The following KCTD3 variants were observed in gnomAD, a reference collection of about 807,000 sequenced individuals.
The protein encoded by KCTD3 is potassium channel tetramerization domain containing 3.
KCTD3 carries 41 observed loss-of-function variants against 85.8 expected under a neutral mutation model. The ratio of observed to expected loss-of-function variants is 0.48; its 90% confidence interval spans 0.37 to 0.62. The LOEUF (loss-of-function observed/expected upper bound fraction) is 0.62. Ranked by LOEUF, KCTD3 falls within the 20% of genes least tolerant of loss-of-function variation. The pLI, the probability that KCTD3 is intolerant of heterozygous loss-of-function variation, is 0.00. For synonymous variants in KCTD3, 338 were observed against 345.4 expected (o/e 0.98, Z 0.24); for missense variants, 724 against 989.9 (o/e 0.73, Z 3.60).
At chr1:215,581,604 G>T (rs555376294) in intron 8 of KCTD3, among the ~76,000 whole-genome samples, 1 of 152,132 alleles carries the variant, frequency 6.6e-6, no homozygotes, top group Non-Finnish European at 1.5e-5. Context: ...ACATTATTAC[G>T]CAAAATTTAA....
At chr1:215,591,873 C>CTGA (rs751753216) in intron 9 of KCTD3, among the ~76,000 whole-genome samples, 8 of 152,164 alleles carry the variant, frequency 5.3e-5, no homozygotes, top group Non-Finnish European at 1.2e-4. Flanking sequence ...TTTCACACTG[C>CTGA]TGATAAAGAC....
intron 9 of KCTD3, among the ~76,000 whole-genome samples, chr1:215,591,241 C>G (rs1369674174): frequency 6.6e-6 from 1 of 151,928 alleles, no homozygotes; most frequent in Non-Finnish European, 1.5e-5. Context: ...CCTCTTAGTC[C>G]TAAAGCAGCC....
intron 13 of KCTD3, among the ~76,000 whole-genome samples, chr1:215,607,155 C>T (rs1242126618): frequency 6.6e-6 from 1 of 151,322 alleles, no homozygotes; most frequent in South Asian, 2.1e-4. Flanking sequence ...ACATTTTTAC[C>T]CAGTAGTAAA....
At chr1:215,607,966 T>C in intron 13 of KCTD3, 51 bp from the exon 14 acceptor site, 1 of 1,496,294 alleles carries the variant, frequency 6.7e-7, no homozygotes, top group Non-Finnish European at 9.1e-7. Context: ...AAAGTTAAAA[T>C]GAGTTTTTAA....
rs1446383849 is a variant in KCTD3, at chr1:215,614,026, T to G, written c.1562+2105T>G. On this transcript the variant is annotated intron_variant, in intron 15 of 17. Coordinates refer to ENST00000259154, the MANE Select transcript of KCTD3 (RefSeq NM_016121.5). ...ATAGGAACTTTAGAATAGTTTTTTTTTTTTTTTTTTTTTTTTTTTTTTAAG... is the reference window on the plus strand; with the variant it reads ...ATAGGAACTTTAGAATAGTTTTTTTGTTTTTTTTTTTTTTTTTTTTTTAAG... Among the ~76,000 whole-genome samples, 833 of 130,798 alleles carry G rather than the reference T, an allele frequency of 6.4e-3. 22 individuals are homozygous for G. The South Asian group carries it at 0.077, about 12-fold the overall frequency. 85.8% of individuals were successfully genotyped at this position (130,798 alleles called of 152,430 possible).
chr1:215,585,352 CATT>C (rs967967529), intron 8 of KCTD3, among the ~76,000 whole-genome samples: 230 of 152,222 alleles, frequency 1.5e-3, no homozygotes, highest in African/African-American at 5.4e-3. Flanking sequence ...TTAGGGAAAT[CATT>C]AGTTCTTCAA....
rs140041193 is a variant in KCTD3 at position 215,615,352 on chromosome 1, G to A, written c.1562+3431G>A. Among the ~76,000 whole-genome samples, 895 of 152,184 alleles carry A rather than the reference G, an allele frequency of 5.9e-3. 24 individuals carry two copies. In the South Asian group the frequency reaches 0.074, roughly 13 times the overall value. Reference sequence around the variant, plus strand: ...GAAATCTATCCCGGCCGGGCGTGGTGGCTCACGGCTGTAGTCCCAGCACTT... The same window carrying A: ...GAAATCTATCCCGGCCGGGCGTGGTAGCTCACGGCTGTAGTCCCAGCACTT... On this transcript the variant is annotated intron_variant, in intron 15 of 17. Coordinates refer to ENST00000259154, the MANE Select transcript of KCTD3 (RefSeq NM_016121.5).
intron 4 of KCTD3, 54 bp from the exon 5 acceptor site, chr1:215,577,616 A>G: frequency 5.2e-6 from 6 of 1,153,128 alleles, no homozygotes; most frequent in East Asian, 2.3e-5. Flanking sequence ...TTCATGTCAG[A>G]TGATAATACA....
At chr1:215,574,581 T>C (rs10495002) in intron 3 of KCTD3, among the ~76,000 whole-genome samples, 7,511 of 152,196 alleles carry the variant, frequency 0.049, 265 homozygotes, top group East Asian at 0.089. Context: ...GCAAAAAAAT[T>C]GGTTTATCCA....
rs138290643 is a variant in KCTD3 at position 215,574,980 on chromosome 1, G to A, written c.183+862G>A. 5.8e-3 allele frequency among the ~76,000 whole-genome samples: 888 copies of A among 152,192 alleles called. 5 individuals are homozygous for A. The highest frequency in any genetic ancestry group is 0.02 in the African/African-American group (845 of 41,532). ...AAGTTATCAATTATGGGCTGGGTGG[G>A]GTGGCTTATGCCTGTAATTCCAGCA... On this transcript the variant is annotated intron_variant, in intron 3 of 17. Coordinates refer to ENST00000259154, the MANE Select transcript of KCTD3 (RefSeq NM_016121.5).
intron 8 of KCTD3, among the ~76,000 whole-genome samples, chr1:215,584,689 T>C (rs1243206617): frequency 6.6e-6 from 1 of 152,202 alleles, no homozygotes; most frequent in Non-Finnish European, 1.5e-5. Context: ...ATCAGCTCTA[T>C]GAGTCAAATT....
chr1:215,610,124 C>T (rs1435870290), intron 14 of KCTD3, among the ~76,000 whole-genome samples: 1 of 151,758 alleles, frequency 6.6e-6, no homozygotes, highest in Non-Finnish European at 1.5e-5. Context: ...GACAAATGGA[C>T]ATACAGATTA....
At position 215,620,069 on chromosome 1, in the gene KCTD3, GCAC is replaced by G. The variant is rs1397368774; in HGVS notation, c.1902_1904del (p.His635del). 1.3e-6 allele frequency: 2 copies of G among 1,579,452 alleles called. No individual in the cohort carries two copies. Among genetic ancestry groups the G allele is most frequent in the African/African-American group, 2.7e-5 (2 of 73,006 alleles). On this transcript the variant is annotated inframe_deletion, in exon 18 of 18. Coordinates refer to ENST00000259154, the MANE Select transcript of KCTD3 (RefSeq NM_016121.5). ...AACTGTATTTCAGCCTTCAGCTTCA[GCAC>G]CATGATACCACCCATGAAGCAGCTA...
intron 8 of KCTD3, 134 bp from the exon 9 acceptor site, chr1:215,586,361 A>T: frequency 1.5e-6 from 1 of 685,034 alleles, no homozygotes. Flanking sequence ...TATTTGTAAT[A>T]GGAAGGTGGA....
rs1655246771 is a variant in KCTD3 at position 215,611,856 on chromosome 1, G to A, written c.1497G>A (p.Val499=). The stretch of plus-strand genomic sequence containing the variant: ...TTGGAGAGCGAGACGATCAACAGGT[G>A]TTTATCCAGAAAGTTGTTCCCATCA... The part of the protein sequence containing the change: ...GPFGERDDQQ[V]FIQKVVPITN... Residue 499 remains valine, a synonymous_variant, in exon 15 of 18, where the codon GTG becomes GTA. Coordinates refer to ENST00000259154, the MANE Select transcript of KCTD3 (RefSeq NM_016121.5). The A allele has an allele frequency of 6.2e-7, 1 of 1,608,964 alleles. No individual in the cohort carries two copies. The highest frequency in any genetic ancestry group is 8.5e-7 in the Non-Finnish European group (1 of 1,176,518).
intron 12 of KCTD3, among the ~76,000 whole-genome samples, chr1:215,602,515 A>G (rs1032747091): frequency 6.6e-6 from 1 of 152,110 alleles, no homozygotes; most frequent in Non-Finnish European, 1.5e-5. Flanking sequence ...TTCCTATTAA[A>G]ATAACTAATT....
chr1:215,586,386 GTTTTT>G, intron 8 of KCTD3, 104 bp from the exon 9 acceptor site: 2 of 820,766 alleles, frequency 2.4e-6, no homozygotes, highest in East Asian at 5.8e-5. Flanking sequence ...TAACTGTTTA[GTTTTT>G]TTTTTGTTTT....
Position 215,619,071 on chromosome 1 carries a change from G to T in KCTD3, c.1747+1G>T, listed in dbSNP as rs369697592. On this transcript the variant is annotated splice_donor_variant, in intron 16 of 17. Transcript: ENST00000259154. LOFTEE classifies it high-confidence loss of function. ...ATGGTTAACAAAAGTGAAGATAAGG[G>T]TAGGTTCTCATACAGAAAGATGTTT... 2.5e-6 allele frequency: 4 copies of T among 1,611,368 alleles called. No homozygotes were observed. The highest frequency in any genetic ancestry group is 3.4e-6 in the Non-Finnish European group (4 of 1,178,534).
intron 9 of KCTD3, among the ~76,000 whole-genome samples, chr1:215,594,281 C>G (rs766550326): frequency 6.6e-6 from 1 of 152,202 alleles, no homozygotes; most frequent in Non-Finnish European, 1.5e-5. Flanking sequence ...GATCCCAACC[C>G]TGGTTCTCCT....
Sources: allele counts gnomAD v4.1 joint callset (sites outside exome capture counted in the v4.1 genomes callset), GRCh38; gene constraint gnomAD v4.1.1; transcripts MANE v1.5; gene names NCBI Gene and HGNC (gene_info 2026-07-23, HGNC 2026-07-21).